The following DYNC2H1 variants were observed in gnomAD, a reference collection of about 807,000 sequenced individuals.
DYNC2H1 encodes cytoplasmic dynein 2 heavy chain 1.
DYNC2H1 carries 410 observed loss-of-function variants against 570.0 expected under a neutral mutation model. The observed-to-expected ratio is 0.72, with a 90% CI of 0.66 to 0.78. The LOEUF (loss-of-function observed/expected upper bound fraction) is 0.78. Ranked by LOEUF, DYNC2H1 falls within the 30% of genes least tolerant of loss-of-function variation. The pLI is 0.00. For synonymous variants in DYNC2H1, 1,688 were observed against 1,677.6 expected (o/e 1.01, Z -0.15); for missense variants, 4,865 against 5,046.4 (o/e 0.96, Z 1.09).
intron 82 of DYNC2H1, among the ~76,000 whole-genome samples, chr11:103,330,797 C>G (rs1405667925): frequency 2.0e-5 from 3 of 151,984 alleles, no homozygotes; most frequent in African/African-American, 7.2e-5. Context: ...AATTAAGCAG[C>G]ATGTGGCACC....
intron 88 of DYNC2H1, among the ~76,000 whole-genome samples, chr11:103,478,064 T>TC (rs34000929): frequency 0.98 from 148,355 of 151,976 alleles, 72,516 homozygotes; most frequent in Middle Eastern, 1. Flanking sequence ...CTTAAAAAGT[T>TC]CCCCTGAGCG....
rs1364573208 is a variant in DYNC2H1 at position 103,176,430 on chromosome 11, A to G, written c.5870A>G (p.Asn1957Ser). 6.6e-7 allele frequency: 1 copy of G among 1,517,934 alleles called. No individual in the cohort carries two copies. Among genetic ancestry groups the G allele is most frequent in the Non-Finnish European group, 8.8e-7 (1 of 1,138,028 alleles). 94.0% of individuals were successfully genotyped at this position (1,517,934 alleles called of 1,614,324 possible). A position where few individuals can be genotyped will look rare whatever the true frequency, so the allele number is the denominator to read the frequency against. Residue 1957 changes from asparagine (N) to serine (S), a missense_variant, in exon 37 of 89, where the codon AAT becomes AGT. Asn to Ser is a conservative substitution (Grantham distance 46, BLOSUM62 1). This residue lies in a region of DYNC2H1 where 292 missense variants were observed against 300.2 expected (regional missense o/e 0.97). Transcript: ENST00000375735. ...GAGGCCAATTATGAAATTATACCCA[A>G]TCAGGTAACTGTCAAGAATATTTTA... The part of the protein sequence containing the change: ...FEEANYEIIP[N>S]QIKKALELYE...
chr11:103,478,848 A>G (rs2135878515), intron 88 of DYNC2H1, among the ~76,000 whole-genome samples: 1 of 152,302 alleles, frequency 6.6e-6, no homozygotes, highest in Middle Eastern at 3.4e-3. Context: ...GTAAATATTT[A>G]TAGGTGAAAT....
intron 57 of DYNC2H1, 85 bp from the exon 58 acceptor site, chr11:103,221,945 C>T (rs1373058232): frequency 1.4e-6 from 2 of 1,382,586 alleles, no homozygotes; most frequent in Non-Finnish European, 2.0e-6. Context: ...AAAAGTATTG[C>T]ATACACCATT....
intron 87 of DYNC2H1, among the ~76,000 whole-genome samples, chr11:103,458,388 A>G (rs1243608203): frequency 6.6e-6 from 1 of 152,186 alleles, no homozygotes; most frequent in Non-Finnish European, 1.5e-5. Context: ...ACAGTGATGA[A>G]GTCACCTAAT....
intron 58 of DYNC2H1, 44 bp from the exon 59 acceptor site, chr11:103,222,921 G>C (rs755200261): frequency 6.2e-7 from 1 of 1,606,642 alleles, no homozygotes. Context: ...GCTTTCATTT[G>C]AAATTAAGTA....
At chr11:103,196,395 T>C (rs1370538070) in intron 47 of DYNC2H1, among the ~76,000 whole-genome samples, 1 of 152,168 alleles carries the variant, frequency 6.6e-6, no homozygotes, top group Non-Finnish European at 1.5e-5. Context: ...TTTGTCTTAC[T>C]CAATACTTAT....
intron 53 of DYNC2H1, 29 bp from the exon 54 acceptor site, chr11:103,211,760 A>C (rs760952316): frequency 3.7e-5 from 36 of 961,528 alleles, no homozygotes; most frequent in Non-Finnish European, 5.2e-5. Flanking sequence ...ACATATAATA[A>C]GTTATTTTTA....
chr11:103,128,495 A>G (rs1435182971), intron 12 of DYNC2H1, among the ~76,000 whole-genome samples: 1 of 152,226 alleles, frequency 6.6e-6, no homozygotes, highest in African/African-American at 2.4e-5. Flanking sequence ...AGCATTAAGG[A>G]TATCTCAAAG....
At position 103,192,233 on chromosome 11, in the gene DYNC2H1, T is replaced by C. The variant is rs1204353385; in HGVS notation, c.7677T>C (p.Asp2559=). The C allele has an allele frequency of 1.3e-6, 2 of 1,583,626 alleles. No homozygotes were observed. Among genetic ancestry groups the C allele is most frequent in the African/African-American group, 1.3e-5 (1 of 74,674 alleles). Residue 2559 remains aspartate (D), a synonymous_variant, in exon 47 of 89, where the codon GAT becomes GAC. Transcript: ENST00000375735. ...TTTTAACATCAGTGTTTCAAGGAGA[T>C]TGGGGCTCAGACATATTAGACAATA... is the stretch of plus-strand genomic sequence containing the variant. ...DIILTSVFQG[D]WGSDILDNMS...
intron 84 of DYNC2H1, among the ~76,000 whole-genome samples, chr11:103,428,894 T>C (rs1057323273): frequency 6.6e-6 from 1 of 152,148 alleles, no homozygotes; most frequent in Admixed American, 6.6e-5. Context: ...TTGATGGATG[T>C]GGGTTGTTTC....
At chr11:103,188,281 G>A (rs1004334394) in intron 43 of DYNC2H1, among the ~76,000 whole-genome samples, 2 of 151,902 alleles carry the variant, frequency 1.3e-5, no homozygotes, top group African/African-American at 4.8e-5. Context: ...ATTTTAAACA[G>A]TAGGATAATT....
chr11:103,184,315 A>G lies in DYNC2H1; in HGVS notation c.6478-581A>G, dbSNP rs566209701. Among the ~76,000 whole-genome samples the G allele has an allele frequency of 6.6e-5, 10 of 152,084 alleles. No homozygotes were observed. In the East Asian group the frequency reaches 1.5e-3, roughly 23 times the overall value. On this transcript the variant is annotated intron_variant, in intron 40 of 88. Coordinates refer to ENST00000375735, the MANE Select transcript of DYNC2H1 (RefSeq NM_001377.3). Reference sequence around the variant, plus strand: ...TGGCACCACATACAGATCCTAATGCATGATTGGTTCTCCGTAAATATTTAT... The same window carrying G: ...TGGCACCACATACAGATCCTAATGCGTGATTGGTTCTCCGTAAATATTTAT...
chr11:103,295,713 G>A (rs3847573), intron 75 of DYNC2H1, among the ~76,000 whole-genome samples: 18,990 of 152,252 alleles, frequency 0.12, 1,483 homozygotes, highest in Admixed American at 0.24. Context: ...AATAGCAAGG[G>A]TCATGTGTAA....
Position 103,369,327 on chromosome 11 carries a change from C to T in DYNC2H1, c.12156+10968C>T, listed in dbSNP as rs1332167072. 2.0e-5 allele frequency among the ~76,000 whole-genome samples: 3 copies of T among 152,152 alleles called. No homozygotes were observed. The highest frequency in any genetic ancestry group is 4.4e-5 in the Non-Finnish European group (3 of 68,036). The stretch of plus-strand genomic sequence containing the variant: ...CAGGAACCTGAGTTCTTGCAAGCCT[C>T]ACCAAAGCAGGCGGAAGTACTCTGG... On this transcript the variant is annotated intron_variant, in intron 83 of 88. Coordinates refer to ENST00000375735, the MANE Select transcript of DYNC2H1 (RefSeq NM_001377.3). The surrounding 1 kb of genome is among the most constrained non-coding windows in gnomAD (Gnocchi z 4.0).
At position 103,305,910 on chromosome 11, in the gene DYNC2H1, T is replaced by C. The variant is rs1013396072; in HGVS notation, c.11382+1190T>C. Among the ~76,000 whole-genome samples, 2 of 152,226 alleles carry C rather than the reference T, an allele frequency of 1.3e-5. No individual in the cohort carries two copies. The highest frequency in any genetic ancestry group is 4.8e-5 in the African/African-American group (2 of 41,532). ...ATTTATGTCTGATAAATCATATATG[T>C]TTTGTTTTGGGTTTTTTTTGAGACA... On this transcript the variant is annotated intron_variant, in intron 77 of 88. Coordinates refer to ENST00000375735, the MANE Select transcript of DYNC2H1 (RefSeq NM_001377.3). The surrounding 1 kb of genome is among the most constrained non-coding windows in gnomAD (Gnocchi z 4.3).
intron 83 of DYNC2H1, among the ~76,000 whole-genome samples, chr11:103,364,680 C>A (rs1940817863): frequency 6.6e-6 from 1 of 150,622 alleles, no homozygotes; most frequent in African/African-American, 2.4e-5. Context: ...GGTTGTGGTT[C>A]CAACATCAAT....
chr11:103,435,892 A>G (rs1268781389), intron 84 of DYNC2H1, 51 bp from the exon 85 acceptor site: 6 of 1,569,108 alleles, frequency 3.8e-6, no homozygotes, highest in African/African-American at 1.4e-5. Context: ...GTAGTCTTCT[A>G]TATGTAGTAT....
intron 20 of DYNC2H1, among the ~76,000 whole-genome samples, chr11:103,149,808 T>TGA (rs137963830): frequency 0.09 from 13,360 of 148,524 alleles, 728 homozygotes; most frequent in Non-Finnish European, 0.12. Context: ...AAAAGAGGAT[T>TGA]GAGAGAGAGA....
Sources: allele counts gnomAD v4.1 joint callset (sites outside exome capture counted in the v4.1 genomes callset), GRCh38; gene constraint gnomAD v4.1.1; regional missense constraint gnomAD v4.1.1; non-coding constraint Gnocchi (gnomAD v3.1); transcripts MANE v1.5; gene names NCBI Gene and HGNC (gene_info 2026-07-23, HGNC 2026-07-21).